SDK2: variants seen among roughly 807,000 people sequenced by gnomAD.
The protein encoded by SDK2 is protein sidekick-2.
SDK2 carries 105 observed loss-of-function variants against 253.9 expected under a neutral mutation model. That is an observed-to-expected ratio of 0.41 (90% confidence interval 0.35 to 0.49). The LOEUF (loss-of-function observed/expected upper bound fraction) is 0.49. SDK2 is among the 20% of genes least tolerant of loss of function. The pLI is 0.06. For synonymous variants in SDK2, 1,249 were observed against 1,234.9 expected (o/e 1.01, Z -0.24); for missense variants, 2,608 against 3,003.0 (o/e 0.87, Z 3.07).
chr17:73,398,273 C>A (rs73999034), intron 23 of SDK2, 47 bp downstream of exon 23: 155 of 1,605,110 alleles, frequency 9.7e-5, no homozygotes, highest in Middle Eastern at 1.7e-4. Context: ...CCCCCACCCA[C>A]CCCCAGCCCT....
At position 73,411,071 on chromosome 17, in the gene SDK2, TC is replaced by T. The variant is rs139686020; in HGVS notation, c.2484+3572del. Among the ~76,000 whole-genome samples, 547 of 152,204 alleles carry T rather than the reference TC, an allele frequency of 3.6e-3. 3 individuals carry two copies. Among genetic ancestry groups the T allele is most frequent in the African/African-American group, 0.013 (525 of 41,534 alleles). ...CCGGCCTCCCCTTCCTTCCTCTGCCTCCCCCCAGGGTCCCAATTAGGAGAGT... is the reference window on the plus strand; with the variant it reads ...CCGGCCTCCCCTTCCTTCCTCTGCCTCCCCCAGGGTCCCAATTAGGAGAGT... On this transcript the variant is annotated intron_variant, in intron 18 of 44. Coordinates refer to ENST00000392650, the MANE Select transcript of SDK2 (RefSeq NM_001144952.2).
At chr17:73,630,206 C>A (rs2046250793) in intron 1 of SDK2, among the ~76,000 whole-genome samples, 1 of 152,118 alleles carries the variant, frequency 6.6e-6, no homozygotes, top group Non-Finnish European at 1.5e-5. Flanking sequence ...CTCCCTGGAC[C>A]AGCAGCAGTG....
intron 3 of SDK2, among the ~76,000 whole-genome samples, chr17:73,469,004 T>A (rs2063624245): frequency 6.6e-6 from 1 of 152,022 alleles, no homozygotes; most frequent in Non-Finnish European, 1.5e-5. Flanking sequence ...TTTGTATTCT[T>A]AGTAGAGATG....
rs397689294 is a variant in SDK2, at chr17:73,418,010, G to GTTTTTTTTTTTTTTT, written c.2186+1141_2186+1155dup. On this transcript the variant is annotated intron_variant, in intron 16 of 44. Transcript: ENST00000392650. ...AGATGCATCAAAGTCTCCTAGATGA[G>GTTTTTTTTTTTTTTT]TTTTTTTTTTTTTTTTTTGTTTTTA... Among the ~76,000 whole-genome samples, 45 of 128,222 alleles carry GTTTTTTTTTTTTTTT rather than the reference G, an allele frequency of 3.5e-4. 2 individuals are homozygous for GTTTTTTTTTTTTTTT. The highest frequency in any genetic ancestry group is 4.0e-4 in the Non-Finnish European group (25 of 62,862). The allele number at this position is 128,222 out of a possible 152,430, so 84.1% of individuals were successfully genotyped here.
intron 44 of SDK2, among the ~76,000 whole-genome samples, chr17:73,345,542 G>T (rs777780067): frequency 6.6e-6 from 1 of 152,098 alleles, no homozygotes; most frequent in African/African-American, 2.4e-5. Flanking sequence ...CATTTTGTGG[G>T]TACAGAACAA....
chr17:73,402,695 C>T (rs1006747083), intron 18 of SDK2, among the ~76,000 whole-genome samples: 2 of 152,180 alleles, frequency 1.3e-5, no homozygotes, highest in African/African-American at 4.8e-5. Flanking sequence ...CCTCAACCTC[C>T]TGGGCTAAAG....
chr17:73,367,980 G>C (rs1398617519), intron 37 of SDK2, among the ~76,000 whole-genome samples: 2 of 152,216 alleles, frequency 1.3e-5, no homozygotes, highest in Non-Finnish European at 2.9e-5. Context: ...TGGGGACCTT[G>C]CTGGTCTCAC....
At chr17:73,422,169 G>A in intron 15 of SDK2, 118 bp downstream of exon 15, 1 of 1,128,060 alleles carries the variant, frequency 8.9e-7, no homozygotes, top group South Asian at 1.5e-5. Flanking sequence ...CTTCTACAGA[G>A]GCGGAAGCCT....
intron 8 of SDK2, among the ~76,000 whole-genome samples, chr17:73,436,923 C>T (rs2063374428): frequency 6.6e-6 from 1 of 152,098 alleles, no homozygotes; most frequent in African/African-American, 2.4e-5. Context: ...TATCAGCTTG[C>T]CCATCTCCCT....
intron 1 of SDK2, among the ~76,000 whole-genome samples, chr17:73,580,514 A>G (rs2145881523): frequency 6.6e-6 from 1 of 152,378 alleles, no homozygotes; most frequent in South Asian, 2.1e-4. Flanking sequence ...ACCCAGGGCC[A>G]GCTTCATGGG....
At chr17:73,549,260 C>A (rs1348132398) in intron 1 of SDK2, among the ~76,000 whole-genome samples, 2 of 152,204 alleles carry the variant, frequency 1.3e-5, no homozygotes, top group East Asian at 3.9e-4. Context: ...ATTGCCTCCT[C>A]CTGGCAGCCC....
intron 2 of SDK2, among the ~76,000 whole-genome samples, chr17:73,501,455 T>A (rs1222784193): frequency 6.6e-6 from 1 of 152,234 alleles, no homozygotes; most frequent in Admixed American, 6.5e-5. Flanking sequence ...CCATGCAGTA[T>A]CCTCCTGCTC....
intron 8 of SDK2, among the ~76,000 whole-genome samples, chr17:73,436,679 T>A (rs2063372372): frequency 2.0e-5 from 3 of 151,640 alleles, no homozygotes; most frequent in African/African-American, 7.3e-5. Flanking sequence ...CCTGCTTGCC[T>A]TCCCTTCCCG....
At chr17:73,423,082 AT>A (rs1234275951) in intron 14 of SDK2, among the ~76,000 whole-genome samples, 1 of 151,928 alleles carries the variant, frequency 6.6e-6, no homozygotes, top group Non-Finnish European at 1.5e-5. Flanking sequence ...ATGCCTGCTC[AT>A]TTGACTTGGG....
At chr17:73,480,948 C>T (rs988431664) in intron 2 of SDK2, among the ~76,000 whole-genome samples, 3 of 152,198 alleles carry the variant, frequency 2.0e-5, no homozygotes, top group African/African-American at 7.2e-5. Flanking sequence ...TGCTGTAATT[C>T]CCCTCCCACA....
At chr17:73,405,428 A>G (rs1451444329) in intron 18 of SDK2, among the ~76,000 whole-genome samples, 1 of 124,104 alleles carries the variant, frequency 8.1e-6, no homozygotes, top group Non-Finnish European at 1.7e-5. Flanking sequence ...CAAAAGAACA[A>G]AACTCCTTCT....
Position 73,639,554 on chromosome 17 carries a change from C to T in SDK2, c.64+4471G>A, listed in dbSNP as rs1211550943. Among the ~76,000 whole-genome samples the T allele has an allele frequency of 6.6e-6, 1 of 152,160 alleles. No individual in the cohort carries two copies. Among genetic ancestry groups the T allele is most frequent in the Non-Finnish European group, 1.5e-5 (1 of 68,038 alleles). ...TTGTTGCTATTGGCATCCCAAGGCCCCAAATTATGATGACTAATTCCCACC... is the reference window on the plus strand; with the variant it reads ...TTGTTGCTATTGGCATCCCAAGGCCTCAAATTATGATGACTAATTCCCACC... On this transcript the variant is annotated intron_variant, in intron 1 of 44. Transcript: ENST00000392650. This position sits in a 1 kb window ranked among gnomAD's most constrained non-coding sequence, Gnocchi z 4.3.
Position 73,395,198 on chromosome 17 carries a change from G to T in SDK2, c.3549C>A (p.Ser1183Arg). Residue 1183 changes from serine to arginine, a missense_variant, in exon 25 of 45, where the codon AGC becomes AGA. Physicochemically the swap from Ser to Arg is moderately radical, Grantham distance 110 (BLOSUM62 -1). Around this residue, in one of 2 missense-constraint regions of SDK2, gnomAD observed 1,505 missense variants for 1,859.1 expected, o/e 0.81. Transcript: ENST00000392650. The surrounding 1 kb of genome is among the most constrained non-coding windows in gnomAD (Gnocchi z 4.3). The part of the protein sequence containing the change: ...VQVQAFNAIG[S>R]GPWSQTVVGR... The stretch of plus-strand genomic sequence containing the variant: ...CCACCACCGTCTGGCTCCAGGGCCC[G>T]CTCCCGATGGCGTTGAAGGCCTGGA... The T allele has an allele frequency of 2.5e-6, 4 of 1,609,152 alleles. No individual in the cohort carries two copies. Among genetic ancestry groups the T allele is most frequent in the Non-Finnish European group, 3.4e-6 (4 of 1,178,260 alleles).
intron 1 of SDK2, among the ~76,000 whole-genome samples, chr17:73,592,492 C>T (rs929314530): frequency 6.6e-6 from 1 of 152,166 alleles, no homozygotes; most frequent in Non-Finnish European, 1.5e-5. Context: ...GAGGTGGGGA[C>T]GACTTCTTCC....
Sources: allele counts gnomAD v4.1 joint callset (sites outside exome capture counted in the v4.1 genomes callset), GRCh38; gene constraint gnomAD v4.1.1; regional missense constraint gnomAD v4.1.1; non-coding constraint Gnocchi (gnomAD v3.1); transcripts MANE v1.5; gene names NCBI Gene and HGNC (gene_info 2026-07-23, HGNC 2026-07-21).